Variants in IL1RAPL2 observed in about 807,000 individuals in gnomAD.
The protein encoded by IL1RAPL2 is interleukin 1 receptor accessory protein like 2.
In IL1RAPL2, 3 loss-of-function variants were observed where a neutral mutation model predicts 44.1. That is an observed-to-expected ratio of 0.07 (90% CI 0.03 to 0.18). The LOEUF (loss-of-function observed/expected upper bound fraction) is 0.18. IL1RAPL2 is among the 10% of genes least tolerant of loss of function. The probability of loss-of-function intolerance (pLI) is 1.00; values close to 1 mark genes in which losing one functional copy is unlikely to be tolerated. For missense variants in IL1RAPL2, 391 were observed against 496.4 expected, an observed-to-expected ratio of 0.79 and a Z score of 2.02; for synonymous variants, 181 against 178.8, an observed-to-expected ratio of 1.01 and a Z score of -0.10.
intron 2 of IL1RAPL2, among the ~76,000 whole-genome samples, chrX:105,045,666 G>C (rs1386544816): frequency 9.0e-6 from 1 of 111,425 alleles, no homozygotes; most frequent in East Asian, 2.9e-4. Flanking sequence ...TCCCACCTCA[G>C]CCTCCTGAGT....
At chrX:105,158,643 A>G (rs1413474658) in intron 2 of IL1RAPL2, among the ~76,000 whole-genome samples, 1 of 112,366 alleles carries the variant, frequency 8.9e-6, no homozygotes, top group African/African-American at 3.2e-5. Flanking sequence ...AGTTAAAGCT[A>G]TCATCATCTT....
At chrX:105,460,976 C>T (rs1000271572) in intron 5 of IL1RAPL2, among the ~76,000 whole-genome samples, 2 of 111,959 alleles carry the variant, frequency 1.8e-5, no homozygotes, top group Admixed American at 1.9e-4. Flanking sequence ...TGAAGGAACA[C>T]AGACACTTGA....
intron 2 of IL1RAPL2, among the ~76,000 whole-genome samples, chrX:104,739,671 A>G (rs897749657): frequency 8.9e-6 from 1 of 112,076 alleles, no homozygotes; most frequent in Admixed American, 9.5e-5. Flanking sequence ...CAAGTAAGAA[A>G]GAATCGTGTG....
chrX:104,896,258 G>T (rs772866792), intron 2 of IL1RAPL2, among the ~76,000 whole-genome samples: 2 of 111,667 alleles, frequency 1.8e-5, no homozygotes, highest in Non-Finnish European at 1.9e-5. Flanking sequence ...CTCTAGAATT[G>T]AGGCCGTCAA....
At chrX:105,555,143 A>G (rs969457201) in intron 6 of IL1RAPL2, among the ~76,000 whole-genome samples, 1 of 107,930 alleles carries the variant, frequency 9.3e-6, no homozygotes, top group Non-Finnish European at 1.9e-5. Flanking sequence ...ATATTAAGAC[A>G]AAGATTAAGG....
intron 2 of IL1RAPL2, among the ~76,000 whole-genome samples, chrX:104,739,962 C>T (rs1485744901): frequency 9.0e-6 from 1 of 111,352 alleles, no homozygotes; most frequent in Admixed American, 9.6e-5. Context: ...TGAAACACTG[C>T]TAGATGGGGA....
rs775561344 is a variant in IL1RAPL2, at chrX:105,073,560, T to A, written c.83-121915T>A. Among the ~76,000 whole-genome samples the A allele has an allele frequency of 1.9e-3, 216 of 111,153 alleles. 1 individual carries two copies. The highest frequency in any genetic ancestry group is 6.4e-3 in the African/African-American group (196 of 30,612). The stretch of plus-strand genomic sequence containing the variant: ...TTTATAATCCTTTGGGTATATACCC[T>A]GTAATGGGCTGGCTGTGTCAAATGG... On this transcript the variant is annotated intron_variant, in intron 2 of 10. Coordinates refer to ENST00000372582, the MANE Select transcript of IL1RAPL2 (RefSeq NM_017416.2).
Position 105,758,111 on chromosome X carries a change from T to A in IL1RAPL2, c.1363+2764T>A, listed in dbSNP as rs778516561. ...GAAACCTAGTTACAGTATTATAAGC[T>A]GTGTTTGTCCCTCACATCTCATTTA... is the stretch of plus-strand genomic sequence containing the variant. On this transcript the variant is annotated intron_variant, in intron 10 of 10. Coordinates refer to ENST00000372582, the MANE Select transcript of IL1RAPL2 (RefSeq NM_017416.2). Among the ~76,000 whole-genome samples the A allele has an allele frequency of 4.5e-5, 5 of 111,254 alleles. No homozygotes were observed. The South Asian group carries it at 1.5e-3, about 34-fold the overall frequency.
intron 2 of IL1RAPL2, among the ~76,000 whole-genome samples, chrX:104,707,081 C>G (rs1931374559): frequency 9.0e-6 from 1 of 111,184 alleles, no homozygotes; most frequent in Non-Finnish European, 1.9e-5. Context: ...CTCAAATGTA[C>G]CCTCTTTCCC....
At chrX:105,357,001 T>C (rs2035208258) in intron 5 of IL1RAPL2, among the ~76,000 whole-genome samples, 2 of 111,609 alleles carry the variant, frequency 1.8e-5, no homozygotes, top group South Asian at 7.4e-4. Context: ...CTGGGAATAA[T>C]ACACATTTTG....
At chrX:105,353,228 A>G (rs1446694493) in intron 5 of IL1RAPL2, among the ~76,000 whole-genome samples, 2 of 111,447 alleles carry the variant, frequency 1.8e-5, no homozygotes, top group African/African-American at 6.5e-5. Flanking sequence ...TTTGTCAAAG[A>G]TCAGATAGTT....
rs141579016 is a variant in IL1RAPL2 at position 105,549,149 on chromosome X, A to G, written c.772+64762A>G. On this transcript the variant is annotated intron_variant, in intron 6 of 10. Coordinates refer to ENST00000372582, the MANE Select transcript of IL1RAPL2 (RefSeq NM_017416.2). ...TCATATTATTTATTTCCTGATGTGCACAGATGAGGTGTGTGTATGTGTATA... is the reference window on the plus strand; with the variant it reads ...TCATATTATTTATTTCCTGATGTGCGCAGATGAGGTGTGTGTATGTGTATA... Among the ~76,000 whole-genome samples the G allele has an allele frequency of 1.8e-3, 198 of 111,837 alleles. 6 individuals are homozygous for G. The East Asian group carries it at 0.053, about 30-fold the overall frequency.
chrX:104,807,092 T>C, intron 2 of IL1RAPL2, among the ~76,000 whole-genome samples: 1 of 111,224 alleles, frequency 9.0e-6, no homozygotes. Context: ...GGTGAAAGCA[T>C]GGTGCTCAGG....
chrX:104,895,949 G>A (rs1256847972), intron 2 of IL1RAPL2, among the ~76,000 whole-genome samples: 1 of 111,844 alleles, frequency 8.9e-6, no homozygotes, highest in African/African-American at 3.2e-5. Flanking sequence ...AGACTCTTTG[G>A]CAGCAGTGAC....
intron 2 of IL1RAPL2, among the ~76,000 whole-genome samples, chrX:105,078,767 A>T (rs1439595734): frequency 1.8e-5 from 2 of 112,107 alleles, no homozygotes; most frequent in Admixed American, 9.4e-5. Context: ...GCCACCTTGC[A>T]GTTTGATCTC....
chrX:105,319,948 T>G (rs1162868715), intron 5 of IL1RAPL2, among the ~76,000 whole-genome samples: 1 of 111,447 alleles, frequency 9.0e-6, no homozygotes, highest in Non-Finnish European at 1.9e-5. Flanking sequence ...TTACGAGTTA[T>G]TTTCTCAAAA....
At chrX:104,610,325 G>A (rs901868359) in intron 1 of IL1RAPL2, among the ~76,000 whole-genome samples, 181 of 110,988 alleles carry the variant, frequency 1.6e-3, no homozygotes, top group Non-Finnish European at 2.9e-3. Context: ...TCAATTAGGA[G>A]AAGAGGAAGT....
intron 4 of IL1RAPL2, among the ~76,000 whole-genome samples, chrX:105,242,515 A>G (rs951742005): frequency 3.6e-5 from 4 of 111,800 alleles, no homozygotes; most frequent in Non-Finnish European, 7.5e-5. Flanking sequence ...CGTTCAGTCT[A>G]TCAATCTTCC....
chrX:105,009,343 C>T (rs1270800879), intron 2 of IL1RAPL2, among the ~76,000 whole-genome samples: 1 of 109,944 alleles, frequency 9.1e-6, no homozygotes, highest in East Asian at 2.8e-4. Context: ...AGACTTGGAA[C>T]CAACCCAAAT....
Sources: allele counts gnomAD v4.1 joint callset (sites outside exome capture counted in the v4.1 genomes callset), GRCh38; gene constraint gnomAD v4.1.1; transcripts MANE v1.5; gene names NCBI Gene and HGNC (gene_info 2026-07-23, HGNC 2026-07-21).